ASXL3: variants seen among roughly 807,000 people sequenced by gnomAD.
The protein encoded by ASXL3 is ASXL transcriptional regulator 3.
A neutral mutation model predicts 170.6 loss-of-function variants in ASXL3; 34 were observed. That is an observed-to-expected ratio of 0.20 (90% CI 0.15 to 0.27). The LOEUF (loss-of-function observed/expected upper bound fraction) is 0.27, where lower values mean the gene tolerates loss of function less well. Ranked by LOEUF, ASXL3 falls within the 10% of genes least tolerant of loss-of-function variation. The probability of loss-of-function intolerance (pLI) is 1.00; values close to 1 mark genes in which losing one functional copy is unlikely to be tolerated. For synonymous variants in ASXL3, 1,002 were observed against 989.1 expected (o/e 1.01, Z -0.24); for missense variants, 2,592 against 2,695.3 (o/e 0.96, Z 0.85).
intron 8 of ASXL3, among the ~76,000 whole-genome samples, chr18:33,693,246 T>C (rs1192445881): frequency 6.6e-6 from 1 of 152,156 alleles, no homozygotes; most frequent in Non-Finnish European, 1.5e-5. Context: ...TAGCAAAAGA[T>C]TGGTAAGTTT....
chr18:33,613,007 TAGAG>T lies in ASXL3; in HGVS notation c.137+5334_137+5337del, dbSNP rs1290631042. The stretch of plus-strand genomic sequence containing the variant: ...TAAATGGTGTGCACAGTCAGCTACT[TAGAG>T]AGGGATGTATGAGACAATGGTGTTA... On this transcript the variant is annotated intron_variant, in intron 2 of 11. Transcript: ENST00000269197. Among the ~76,000 whole-genome samples, 6 of 152,248 alleles carry T rather than the reference TAGAG, an allele frequency of 3.9e-5. No individual in the cohort carries two copies. In the South Asian group the frequency reaches 8.3e-4, roughly 21 times the overall value.
intron 8 of ASXL3, among the ~76,000 whole-genome samples, chr18:33,727,429 C>T (rs1378804697): frequency 2.0e-5 from 3 of 152,046 alleles, no homozygotes; most frequent in African/African-American, 7.2e-5. Context: ...CCAGTTGGCA[C>T]CCATTCCTTA....
At chr18:33,680,747 T>G (rs964219636) in intron 7 of ASXL3, among the ~76,000 whole-genome samples, 1 of 152,020 alleles carries the variant, frequency 6.6e-6, no homozygotes, top group African/African-American at 2.4e-5. Flanking sequence ...GTTTATCTGG[T>G]CTGATGTTAA....
In ASXL3 at chr18:33,578,635, A is replaced by G; in HGVS notation, c.4A>G (p.Lys2Glu). Residue 2 changes from lysine (K) to glutamate (E), a missense_variant, in exon 1 of 12, where the codon AAA (lysine) becomes GAA (glutamate). By Grantham distance (56) the Lys-to-Glu change is moderately conservative (BLOSUM62 1). Transcript: ENST00000269197. Reference sequence around the variant, plus strand: ...GAACCATCAATGAGATGCAAACATGAAAGACAAGAGGAAGAAGAAGGACCG... The same window carrying G: ...GAACCATCAATGAGATGCAAACATGGAAGACAAGAGGAAGAAGAAGGACCG... MKDKRKKKDRTW... is the reference protein window; with the variant it reads MEDKRKKKDRTW... The G allele has an allele frequency of 7.4e-7, 1 of 1,355,162 alleles. No homozygotes were observed. Among genetic ancestry groups the G allele is most frequent in the Non-Finnish European group, 9.7e-7 (1 of 1,027,574 alleles). 83.9% of individuals were successfully genotyped at this position (1,355,162 alleles called of 1,614,324 possible).
rs182776831 is a variant in ASXL3, at chr18:33,746,615, G to A, written c.*20G>A. 3 of 1,545,818 alleles carry A rather than the reference G, an allele frequency of 1.9e-6. No homozygotes were observed. In the East Asian group the frequency reaches 6.8e-5, roughly 35 times the overall value. ...CGATAAGAGCTGAGTGAAAGATGCA[G>A]TATCCCTTTTCCACACGGAAAAGCC... On this transcript the variant is annotated 3_prime_UTR_variant, in exon 12 of 12. Coordinates refer to ENST00000269197, the MANE Select transcript of ASXL3 (RefSeq NM_030632.3).
chr18:33,679,984 CG>C (rs2066489424), intron 7 of ASXL3, among the ~76,000 whole-genome samples: 1 of 151,730 alleles, frequency 6.6e-6, no homozygotes, highest in South Asian at 2.1e-4. Flanking sequence ...TTCTGTTTAA[CG>C]AATGTCTGCT....
rs971432493 is a variant in ASXL3, at chr18:33,718,028, A to G, written c.880-13940A>G. On this transcript the variant is annotated intron_variant, in intron 8 of 11. Transcript: ENST00000269197. Reference sequence around the variant, plus strand: ...AGATTAAAAGTAGCTCCTACTACCTATATGTTCCTTATAAAATCTGTTGTT... The same window carrying G: ...AGATTAAAAGTAGCTCCTACTACCTGTATGTTCCTTATAAAATCTGTTGTT... 3.3e-5 allele frequency among the ~76,000 whole-genome samples: 5 copies of G among 152,076 alleles called. No homozygotes were observed. The East Asian group carries it at 9.6e-4, about 29-fold the overall frequency.
chr18:33,728,923 C>T (rs1195500013), intron 8 of ASXL3, among the ~76,000 whole-genome samples: 1 of 152,132 alleles, frequency 6.6e-6, no homozygotes, highest in Non-Finnish European at 1.5e-5. Context: ...TGCTTCACAA[C>T]TTTCCACCAT....
intron 1 of ASXL3, among the ~76,000 whole-genome samples, chr18:33,606,306 C>G (rs1183040764): frequency 6.6e-6 from 1 of 151,726 alleles, no homozygotes; most frequent in Non-Finnish European, 1.5e-5. Context: ...TAGTGTGGCT[C>G]ATATTTCTGT....
chr18:33,594,006 TC>T (rs984371169), intron 1 of ASXL3, among the ~76,000 whole-genome samples: 8 of 152,330 alleles, frequency 5.3e-5, no homozygotes, highest in African/African-American at 1.9e-4. Flanking sequence ...TTATATGTCC[TC>T]CATACCTGAT....
At chr18:33,711,170 T>C (rs2067055514) in intron 8 of ASXL3, among the ~76,000 whole-genome samples, 1 of 152,236 alleles carries the variant, frequency 6.6e-6, no homozygotes, top group African/African-American at 2.4e-5. Flanking sequence ...ACATCTTCCA[T>C]TGTAAACAGA....
chr18:33,712,786 G>C (rs1325214412), intron 8 of ASXL3, among the ~76,000 whole-genome samples: 3 of 152,178 alleles, frequency 2.0e-5, no homozygotes, highest in Admixed American at 6.5e-5. Flanking sequence ...AAGCTATGTT[G>C]CTGTAAGAAA....
In ASXL3 at chr18:33,744,150, T is replaced by A; in HGVS notation, c.4302T>A (p.Ala1434=). 3 of 1,614,028 alleles carry A rather than the reference T, an allele frequency of 1.9e-6. No individual in the cohort carries two copies. Among genetic ancestry groups the A allele is most frequent in the Non-Finnish European group, 2.5e-6 (3 of 1,179,890 alleles). Residue 1434 remains alanine, a synonymous_variant, in exon 12 of 12, where the codon GCT becomes GCA. Coordinates refer to ENST00000269197, the MANE Select transcript of ASXL3 (RefSeq NM_030632.3). ...ATGATAGTCCTCCCAAGTTAAGTGC[T>A]GAAAGCTTGGACAAAAATTCAGGGC... The part of the protein sequence containing the change: ...NSYDSPPKLS[A]ESLDKNSGPR...
chr18:33,701,778 A>G (rs1007516354), intron 8 of ASXL3, among the ~76,000 whole-genome samples: 1 of 152,114 alleles, frequency 6.6e-6, no homozygotes, highest in African/African-American at 2.4e-5. Flanking sequence ...TTCATCAAAT[A>G]TAGAAAGTTA....
intron 11 of ASXL3, 56 bp from the exon 12 acceptor site, chr18:33,742,832 C>A: frequency 6.6e-7 from 1 of 1,512,580 alleles, no homozygotes. Flanking sequence ...TTCTACGTGC[C>A]TCCTCTGTGA....
rs376171848 is a variant in ASXL3, at chr18:33,744,407, C to T, written c.4559C>T (p.Ser1520Phe). The change falls in exon 12 of 12, where the codon TCT (serine) becomes TTT (phenylalanine). Residue 1520 changes from serine (S) to phenylalanine (F), a missense_variant. Ser to Phe is a radical substitution (Grantham distance 155, BLOSUM62 -2). Coordinates refer to ENST00000269197, the MANE Select transcript of ASXL3 (RefSeq NM_030632.3). ...CAGCCCGTGGCGTGTCCTCAGGTGT[C>T]TGTGATTAGCAGGCCTGAGCCAGTT... ...SVQPVACPQVSVISRPEPVAN... is the reference protein window; with the variant it reads ...SVQPVACPQVFVISRPEPVAN... The T allele has an allele frequency of 6.2e-7, 1 of 1,613,722 alleles. No individual in the cohort carries two copies. Among genetic ancestry groups the T allele is most frequent in the African/African-American group, 1.3e-5 (1 of 74,930 alleles).
chr18:33,653,971 T>G (rs1020071323), intron 4 of ASXL3, among the ~76,000 whole-genome samples: 1 of 152,044 alleles, frequency 6.6e-6, no homozygotes, highest in Non-Finnish European at 1.5e-5. Flanking sequence ...CAGACACTTT[T>G]CATTTCTTTT....
At chr18:33,600,785 T>G (rs1408572323) in intron 1 of ASXL3, among the ~76,000 whole-genome samples, 1 of 152,126 alleles carries the variant, frequency 6.6e-6, no homozygotes, top group Non-Finnish European at 1.5e-5. Flanking sequence ...CCAAAAACCA[T>G]GTCTTTCAGC....
intron 8 of ASXL3, among the ~76,000 whole-genome samples, chr18:33,723,868 A>T (rs2067303038): frequency 6.6e-6 from 1 of 152,170 alleles, no homozygotes; most frequent in African/African-American, 2.4e-5. Flanking sequence ...AGCCACCCTG[A>T]TCAGTCAGCA....
Sources: gnomAD v4.1 joint callset for allele counts (sites outside exome capture counted in the v4.1 genomes callset) on GRCh38, gnomAD v4.1.1 for gene constraint, MANE v1.5 for transcripts, NCBI Gene and HGNC (gene_info 2026-07-23, HGNC 2026-07-21) for gene names.